JPH2: variants seen among roughly 807,000 people sequenced by gnomAD.
JPH2 encodes junctophilin-2.
In JPH2, 38 loss-of-function variants were observed where a neutral mutation model predicts 55.9. The observed-to-expected ratio is 0.68, with a 90% CI of 0.52 to 0.89. The LOEUF (loss-of-function observed/expected upper bound fraction) is 0.89, where lower values mean the gene tolerates loss of function less well. Among genes scored for constraint, JPH2 ranks in the 40% least tolerant of loss-of-function variants. The probability of loss-of-function intolerance (pLI) is 0.00; values close to 1 mark genes in which losing one functional copy is unlikely to be tolerated. For synonymous variants in JPH2, 480 were observed against 472.4 expected, an observed-to-expected ratio of 1.02 and a Z score of -0.21; for missense variants, 964 against 1,037.6, an observed-to-expected ratio of 0.93 and a Z score of 0.97.
chr20:44,179,353 C>T (rs2072761790), intron 1 of JPH2, among the ~76,000 whole-genome samples: 1 of 152,016 alleles, frequency 6.6e-6, no homozygotes, highest in African/African-American at 2.4e-5. Flanking sequence ...CATTCACTGC[C>T]AGGGAAGGAA....
intron 2 of JPH2, among the ~76,000 whole-genome samples, chr20:44,158,889 GGCAGCTGGAA>G (rs2072583870): frequency 6.6e-6 from 1 of 152,150 alleles, no homozygotes; most frequent in Non-Finnish European, 1.5e-5. Flanking sequence ...TGGGTGGCTG[GGCAGCTGGAA>G]GCAGCTGAGT....
chr20:44,137,172 T>C (rs945155942), intron 2 of JPH2, among the ~76,000 whole-genome samples: 1 of 152,156 alleles, frequency 6.6e-6, no homozygotes, highest in East Asian at 1.9e-4. Flanking sequence ...TCCCCAAGGG[T>C]TGGGCTCCCA....
At chr20:44,182,897 A>G (rs2072797407) in intron 1 of JPH2, among the ~76,000 whole-genome samples, 1 of 152,192 alleles carries the variant, frequency 6.6e-6, no homozygotes, top group Admixed American at 6.5e-5. Context: ...GGTTGCATGA[A>G]TGAATGAATG....
intron 2 of JPH2, among the ~76,000 whole-genome samples, chr20:44,120,092 T>G (rs2145841739): frequency 6.6e-6 from 1 of 152,062 alleles, no homozygotes; most frequent in South Asian, 2.1e-4. Flanking sequence ...CCATCCTGCC[T>G]CTCATTCTTC....
intron 2 of JPH2, among the ~76,000 whole-genome samples, chr20:44,146,702 A>G (rs574115492): frequency 1.3e-5 from 2 of 152,294 alleles, no homozygotes; most frequent in East Asian, 3.9e-4. Context: ...GCCTCTGTGG[A>G]TATGGGCAGT....
chr20:44,107,508 C>A lies in JPH2; in HGVS notation c.*6010G>T, dbSNP rs1360190321. 6.6e-6 allele frequency among the ~76,000 whole-genome samples: 1 copy of A among 152,162 alleles called. No individual in the cohort carries two copies. The highest frequency in any genetic ancestry group is 2.4e-5 in the African/African-American group (1 of 41,426). On this transcript the variant is annotated 3_prime_UTR_variant, in exon 6 of 6. Transcript: ENST00000372980. ...GGTGAAAGTTTTTAGGAAGCAAATT[C>A]CATCCTCCATACTCTCTTTCCTTTT... is the stretch of plus-strand genomic sequence containing the variant.
intron 1 of JPH2, among the ~76,000 whole-genome samples, chr20:44,169,737 A>G (rs965958244): frequency 1.3e-5 from 2 of 152,170 alleles, no homozygotes; most frequent in African/African-American, 4.8e-5. Context: ...CTCAAATTGA[A>G]ACTTAATCCC....
chr20:44,108,751 G>C lies in JPH2; in HGVS notation c.*4767C>G, dbSNP rs6031388. On this transcript the variant is annotated 3_prime_UTR_variant, in exon 6 of 6. Coordinates refer to ENST00000372980, the MANE Select transcript of JPH2 (RefSeq NM_020433.5). ...ATGAGGTGCCCTGGCATCTGTTGCC[G>C]TACATGAGGGTCTCACCTGCAGTTG... 0.53 allele frequency among the ~76,000 whole-genome samples: 80,858 copies of C among 151,834 alleles called. 22,842 individuals carry two copies. The highest frequency in any genetic ancestry group is 0.74 in the African/African-American group (30,627 of 41,426).
At chr20:44,134,673 T>TAC (rs1569195140) in intron 2 of JPH2, among the ~76,000 whole-genome samples, 1 of 36,052 alleles carries the variant, frequency 2.8e-5, no homozygotes, top group Non-Finnish European at 4.5e-5. Flanking sequence ...TATAAATATA[T>TAC]ATTTATAAAT....
chr20:44,132,052 T>G (rs1423227147), intron 2 of JPH2, among the ~76,000 whole-genome samples: 1 of 152,126 alleles, frequency 6.6e-6, no homozygotes, highest in South Asian at 2.1e-4. Context: ...TAGCAAAAGA[T>G]TGGAAACAAA....
intron 2 of JPH2, among the ~76,000 whole-genome samples, chr20:44,145,652 A>G (rs2072489681): frequency 6.6e-6 from 1 of 151,504 alleles, no homozygotes. Context: ...GCTAGGCCCT[A>G]AGCACCGTTT....
At chr20:44,181,048 G>C (rs776967642) in intron 1 of JPH2, among the ~76,000 whole-genome samples, 3 of 152,102 alleles carry the variant, frequency 2.0e-5, no homozygotes, top group Non-Finnish European at 4.4e-5. Context: ...GGCTATAGGA[G>C]GGGGAGGGGT....
intron 1 of JPH2, among the ~76,000 whole-genome samples, chr20:44,175,858 G>A (rs1173644683): frequency 6.6e-6 from 1 of 152,184 alleles, no homozygotes; most frequent in Admixed American, 6.5e-5. Context: ...TGTGCAGAAG[G>A]CAAGAAAGGT....
chr20:44,177,908 G>T, intron 1 of JPH2: 1 of 1,512,426 alleles, frequency 6.6e-7, no homozygotes, highest in Non-Finnish European at 9.2e-7. Flanking sequence ...CAGGCATGAT[G>T]CTCAGTGCTT....
At chr20:44,114,657 G>A (rs1451596526) in intron 5 of JPH2, 125 bp downstream of exon 5, 2 of 689,908 alleles carry the variant, frequency 2.9e-6, no homozygotes, top group Admixed American at 2.1e-5. Flanking sequence ...GCAGGTGGGT[G>A]GGCCTCAATT....
At chr20:44,179,390 G>A (rs2072762339) in intron 1 of JPH2, among the ~76,000 whole-genome samples, 1 of 152,180 alleles carries the variant, frequency 6.6e-6, no homozygotes, top group South Asian at 2.1e-4. Flanking sequence ...TAGTGGGATT[G>A]CAATTATAAC....
intron 2 of JPH2, among the ~76,000 whole-genome samples, chr20:44,158,824 C>A (rs2072583445): frequency 6.6e-6 from 1 of 151,966 alleles, no homozygotes. Context: ...AGAAGTGTCG[C>A]TGGGTGGATA....
chr20:44,125,357 T>G (rs1379527704), intron 2 of JPH2, among the ~76,000 whole-genome samples: 2 of 152,200 alleles, frequency 1.3e-5, no homozygotes, highest in South Asian at 2.1e-4. Flanking sequence ...CTACTATTAT[T>G]ATGAATAATA....
intron 1 of JPH2, among the ~76,000 whole-genome samples, chr20:44,185,669 A>ATGGATG (rs374943774): frequency 3.4e-5 from 5 of 148,048 alleles, no homozygotes; most frequent in East Asian, 4.0e-4. Context: ...GATGGATCAT[A>ATGGATG]GATGGATGGA....
Sources: allele counts gnomAD v4.1 joint callset (sites outside exome capture counted in the v4.1 genomes callset), GRCh38; gene constraint gnomAD v4.1.1; transcripts MANE v1.5; gene names NCBI Gene and HGNC (gene_info 2026-07-23, HGNC 2026-07-21).